The following WASHC5 variants were observed in gnomAD, a reference collection of about 807,000 sequenced individuals.
WASHC5 encodes WASH complex subunit 5, also known as WASH complex subunit strumpellin.
WASHC5 carries 101 observed loss-of-function variants against 150.4 expected under a neutral mutation model. The ratio of observed to expected loss-of-function variants is 0.67; its 90% confidence interval spans 0.57 to 0.79. The LOEUF (loss-of-function observed/expected upper bound fraction) is 0.79. Among genes scored for constraint, WASHC5 ranks in the 30% least tolerant of loss-of-function variants. The pLI is 0.00. For missense variants in WASHC5, 1,195 were observed against 1,396.3 expected (o/e 0.86, Z 2.30); for synonymous variants, 467 against 491.2 (o/e 0.95, Z 0.65).
At chr8:125,075,813 T>A (rs537515530) in intron 7 of WASHC5, among the ~76,000 whole-genome samples, 1 of 152,238 alleles carries the variant, frequency 6.6e-6, no homozygotes, top group Non-Finnish European at 1.5e-5. Context: ...TTTGTTTTCA[T>A]ATATTTCATT....
chr8:125,069,666 A>G (rs1816847092), intron 9 of WASHC5, among the ~76,000 whole-genome samples: 1 of 152,216 alleles, frequency 6.6e-6, no homozygotes, highest in Non-Finnish European at 1.5e-5. Flanking sequence ...GAGACTCGTG[A>G]CAACCTGGAA....
chr8:125,067,248 C>T (rs1007596894), intron 10 of WASHC5, among the ~76,000 whole-genome samples: 1 of 152,158 alleles, frequency 6.6e-6, no homozygotes, highest in African/African-American at 2.4e-5. Context: ...GAACTCCTGA[C>T]CTCAGGTGAT....
At chr8:125,089,826 T>C (rs1443537080) in intron 1 of WASHC5, among the ~76,000 whole-genome samples, 1 of 152,190 alleles carries the variant, frequency 6.6e-6, no homozygotes, top group Non-Finnish European at 1.5e-5. Flanking sequence ...TAAAAGAACA[T>C]GAGGAGGATA....
chr8:125,079,116 G>GTGTATA (rs370503575), intron 5 of WASHC5, among the ~76,000 whole-genome samples, 186 bp from the exon 6 acceptor site: 15 of 97,910 alleles, frequency 1.5e-4, no homozygotes, highest in Admixed American at 8.7e-4. Flanking sequence ...GTGTGTGTGT[G>GTGTATA]TATATATATA....
chr8:125,059,470 G>C lies in WASHC5; in HGVS notation c.1594C>G (p.His532Asp). 1 of 1,613,962 alleles carries C rather than the reference G, an allele frequency of 6.2e-7. No homozygotes were observed. The highest frequency in any genetic ancestry group is 8.5e-7 in the Non-Finnish European group (1 of 1,179,890). Reference sequence around the variant, plus strand: ...ATGTTAATGGTTCTGATCATTTGATGAAGAAACTTTCGAGTATCGGCAAGA... The same window carrying C: ...ATGTTAATGGTTCTGATCATTTGATCAAGAAACTTTCGAGTATCGGCAAGA... ...QFLADTRKFLHQMIRTINIKE... is the reference protein window; with the variant it reads ...QFLADTRKFLDQMIRTINIKE... The change falls in exon 13 of 29, where the codon CAT becomes GAT. Residue 532 changes from histidine (H) to aspartate (D), a missense_variant. Transcript: ENST00000318410.
rs926267480 is a variant in WASHC5 at position 125,082,613 on chromosome 8, C to T, written c.333-146G>A. ...ATGGTCCTTCATGCTCTTAAGAATA[C>T]AGTCTTATAAACTGATTTAGGGCCA... On this transcript the variant is annotated intron_variant, in intron 3 of 28. Coordinates refer to ENST00000318410, the MANE Select transcript of WASHC5 (RefSeq NM_014846.4). 4 of 642,686 alleles carry T rather than the reference C, an allele frequency of 6.2e-6. No individual in the cohort carries two copies. The African/African-American group carries it at 7.6e-5, about 12-fold the overall frequency. 39.8% of individuals were successfully genotyped at this position (642,686 alleles called of 1,614,324 possible).
Position 125,028,677 on chromosome 8 carries a change from A to G in WASHC5, c.3366T>C (p.Val1122=). 6.2e-7 allele frequency: 1 copy of G among 1,613,918 alleles called. No homozygotes were observed. Among genetic ancestry groups the G allele is most frequent in the Non-Finnish European group, 8.5e-7 (1 of 1,179,806 alleles). The part of the protein sequence containing the change: ...SQKIPEIPAD[V]VGALLFLEDY... ...CCTCCAGGAACAGAAGGGCACCCAC[A>G]ACATCTGCAGGAATTTCAGGTATCT... Residue 1122 remains valine (V), a synonymous_variant, in exon 28 of 29, where the codon GTT becomes GTC. Transcript: ENST00000318410.
At chr8:125,041,761 A>C (rs1390081478) in intron 23 of WASHC5, among the ~76,000 whole-genome samples, 1 of 152,248 alleles carries the variant, frequency 6.6e-6, no homozygotes, top group Non-Finnish European at 1.5e-5. Context: ...ACCACTATTC[A>C]TACAAGACTA....
At position 125,044,013 on chromosome 8, in the gene WASHC5, T is replaced by C. The variant is rs145196129; in HGVS notation, c.2749A>G (p.Ser917Gly). The change falls in exon 22 of 29, where the codon AGT (serine) becomes GGT (glycine). Residue 917 changes from serine to glycine, a missense_variant. By Grantham distance (56) the Ser-to-Gly change is moderately conservative. This residue lies in a region of WASHC5 where 997 missense variants were observed against 1,168.1 expected (regional missense o/e 0.85). Coordinates refer to ENST00000318410, the MANE Select transcript of WASHC5 (RefSeq NM_014846.4). ...TCACCGACAATACTTTTTAGGGGAC[T>C]GACAGCATTCATGAGGGTTTTTAAA... ...DTLKTLMNAV[S>G]PLKSIVANSN... 3.7e-6 allele frequency: 6 copies of C among 1,613,284 alleles called. No homozygotes were observed. In the African/African-American group the frequency reaches 5.3e-5, roughly 14 times the overall value.
rs552559769 is a variant in WASHC5, at chr8:125,075,310, A to G, written c.865-199T>C. On this transcript the variant is annotated intron_variant, in intron 7 of 28. Coordinates refer to ENST00000318410, the MANE Select transcript of WASHC5 (RefSeq NM_014846.4). ...TGATTGTTAATTCACGTTAATAGGT[A>G]TAAAGATCTCTTTACACCTATTAAC... 7.2e-5 allele frequency among the ~76,000 whole-genome samples: 11 copies of G among 152,296 alleles called. No homozygotes were observed. In the South Asian group the frequency reaches 2.3e-3, roughly 32 times the overall value.
At chr8:125,056,584 G>T in intron 16 of WASHC5, 93 bp downstream of exon 16, 1 of 1,444,218 alleles carries the variant, frequency 6.9e-7, no homozygotes, top group Non-Finnish European at 9.7e-7. Flanking sequence ...TTGGTCTGGT[G>T]GTCCCCAGAA....
intron 10 of WASHC5, among the ~76,000 whole-genome samples, chr8:125,064,421 T>C (rs1228825755): frequency 6.6e-6 from 1 of 151,610 alleles, no homozygotes; most frequent in East Asian, 1.9e-4. Context: ...GGCCTTGCTA[T>C]GTTGCCCAGG....
At chr8:125,029,485 A>G (rs1390710697) in intron 27 of WASHC5, among the ~76,000 whole-genome samples, 3 of 152,240 alleles carry the variant, frequency 2.0e-5, no homozygotes, top group Non-Finnish European at 4.4e-5. Flanking sequence ...CTGGGTTCCC[A>G]TCAGGAGTAT....
chr8:125,060,418 G>C (rs182051397), intron 12 of WASHC5, among the ~76,000 whole-genome samples: 1 of 151,530 alleles, frequency 6.6e-6, no homozygotes, highest in Non-Finnish European at 1.5e-5. Flanking sequence ...CCCAGGAGGC[G>C]GAGGTTGCAG....
intron 1 of WASHC5, among the ~76,000 whole-genome samples, chr8:125,084,297 C>G (rs187988433): frequency 1.1e-4 from 16 of 152,272 alleles, no homozygotes; most frequent in African/African-American, 3.9e-4. Flanking sequence ...GAGAAGGAAC[C>G]ACTGGGCATG....
chr8:125,055,661 A>G lies in WASHC5; in HGVS notation c.2027T>C (p.Leu676Pro). 1 of 1,606,908 alleles carries G rather than the reference A, an allele frequency of 6.2e-7. No individual in the cohort carries two copies. The highest frequency in any genetic ancestry group is 8.5e-7 in the Non-Finnish European group (1 of 1,173,426). ...QLGPRYEVAK[L>P]THAISIFTEG... ...AGTAAAAATGGAAATAGCATGAGTA[A>G]GCTTGGCAACCTATAACAAAGAAAA... Residue 676 changes from leucine (L) to proline (P), a missense_variant, in exon 17 of 29, where the codon CTT (leucine) becomes CCT (proline). Coordinates refer to ENST00000318410, the MANE Select transcript of WASHC5 (RefSeq NM_014846.4).
chr8:125,085,058 T>C (rs1376471140), intron 1 of WASHC5, among the ~76,000 whole-genome samples: 1 of 152,142 alleles, frequency 6.6e-6, no homozygotes, highest in Non-Finnish European at 1.5e-5. Context: ...CACTGACAAG[T>C]ATAAGGAGTG....
At chr8:125,083,005 A>C in intron 3 of WASHC5, 108 bp downstream of exon 3, 1 of 764,908 alleles carries the variant, frequency 1.3e-6, no homozygotes, top group Non-Finnish European at 2.2e-6. Context: ...AGTATAAACT[A>C]AATTAGGAAA....
chr8:125,058,977 C>A (rs1023310532), intron 14 of WASHC5, among the ~76,000 whole-genome samples: 1 of 152,116 alleles, frequency 6.6e-6, no homozygotes, highest in African/African-American at 2.4e-5. Flanking sequence ...AAAAAAAAAT[C>A]TATTCTTCAC....
Sources: gnomAD v4.1 joint callset for allele counts (sites outside exome capture counted in the v4.1 genomes callset) on GRCh38, gnomAD v4.1.1 for gene constraint, gnomAD v4.1.1 regional missense constraint, MANE v1.5 for transcripts, NCBI Gene and HGNC (gene_info 2026-07-23, HGNC 2026-07-21) for gene names.